Variants in WDFY4 observed in about 807,000 individuals in gnomAD.
The protein encoded by WDFY4 is WD repeat- and FYVE domain-containing protein 4.
In WDFY4, 169 loss-of-function variants were observed where a neutral mutation model predicts 351.9. The ratio of observed to expected loss-of-function variants is 0.48; its 90% confidence interval spans 0.42 to 0.55. WDFY4 has a LOEUF of 0.55. WDFY4 is among the 20% of genes least tolerant of loss of function. WDFY4 has a pLI of 0.00. For missense variants in WDFY4, 3,803 were observed against 3,935.6 expected (o/e 0.97, Z 0.90); for synonymous variants, 1,622 against 1,574.6 (o/e 1.03, Z -0.71).
intron 13 of WDFY4, among the ~76,000 whole-genome samples, chr10:48,773,812 G>A (rs764093021): frequency 1.3e-5 from 2 of 152,234 alleles, no homozygotes; most frequent in Non-Finnish European, 2.9e-5. Flanking sequence ...GGTGGGGCCT[G>A]TATCTGTCAA....
intron 2 of WDFY4, 41 bp from the exon 3 acceptor site, chr10:48,719,970 T>A (rs2064026580): frequency 1.3e-6 from 2 of 1,529,324 alleles, no homozygotes; most frequent in African/African-American, 2.8e-5. Flanking sequence ...GCCCTGCTTG[T>A]GGCATTGCTA....
At chr10:48,907,212 A>G (rs888035549) in intron 47 of WDFY4, among the ~76,000 whole-genome samples, 4 of 152,212 alleles carry the variant, frequency 2.6e-5, no homozygotes, top group East Asian at 1.9e-4. Context: ...CTGAGCCCAG[A>G]TTTCAGAAAA....
chr10:48,910,193 T>C, intron 47 of WDFY4: 2 of 1,302,240 alleles, frequency 1.5e-6, no homozygotes, highest in Non-Finnish European at 1.1e-6. Context: ...CAGAGTCGTT[T>C]ATTCTGTTAG....
At position 48,810,615 on chromosome 10, in the gene WDFY4, C is replaced by T. The variant is rs1055065649; in HGVS notation, c.4924C>T (p.Leu1642=). The part of the protein sequence containing the change: ...QGHLHASTTV[L]ALKLLLYFLA... The stretch of plus-strand genomic sequence containing the variant: ...CCACCTGCATGCCAGCACCACTGTG[C>T]TGGCATTGAAGCTGCTGCTGTACTT... The change falls in exon 29 of 62, where the codon CTG becomes TTG. Residue 1642 remains leucine (L), a synonymous_variant. Coordinates refer to ENST00000325239, the MANE Select transcript of WDFY4 (RefSeq NM_001394531.1). The T allele has an allele frequency of 1.9e-6, 3 of 1,551,516 alleles. No homozygotes were observed. The highest frequency in any genetic ancestry group is 1.4e-5 in the African/African-American group (1 of 73,058).
chr10:48,914,468 A>G (rs1179764128), intron 47 of WDFY4, among the ~76,000 whole-genome samples: 1 of 152,144 alleles, frequency 6.6e-6, no homozygotes, highest in African/African-American at 2.4e-5. Flanking sequence ...GAAGGACACT[A>G]AATGTCCCTC....
At chr10:48,749,209 T>A (rs1026043450) in intron 12 of WDFY4, among the ~76,000 whole-genome samples, 1 of 152,180 alleles carries the variant, frequency 6.6e-6, no homozygotes, top group Non-Finnish European at 1.5e-5. Context: ...AGAGGTGACA[T>A]GTTATGTAAT....
At chr10:48,797,369 A>T (rs140682367) in intron 24 of WDFY4, among the ~76,000 whole-genome samples, 2 of 152,194 alleles carry the variant, frequency 1.3e-5, no homozygotes, top group Non-Finnish European at 2.9e-5. Flanking sequence ...TTCTTTGTTT[A>T]TTAAGAAATT....
chr10:48,828,511 G>T (rs2133045903), intron 36 of WDFY4, among the ~76,000 whole-genome samples: 1 of 152,262 alleles, frequency 6.6e-6, no homozygotes, highest in African/African-American at 2.4e-5. Context: ...TCAGGAGTGG[G>T]CACAGGGGGA....
At position 48,974,984 on chromosome 10, in the gene WDFY4, G is replaced by GACCC; in HGVS notation, c.9052_9055dup (p.Arg3019HisfsTer17). On this transcript the variant is annotated frameshift_variant, in exon 58 of 62. Transcript: ENST00000325239. LOFTEE classifies it high-confidence loss of function. ...GGGATCTGGACCACCTCACCCACGT[G>GACCC]ACCCGCCTGCCCGCCCATCGGGAAG... 1 of 1,551,586 alleles carries GACCC rather than the reference G, an allele frequency of 6.4e-7. No individual in the cohort carries two copies. Among genetic ancestry groups the GACCC allele is most frequent in the Non-Finnish European group, 8.7e-7 (1 of 1,146,988 alleles).
At chr10:48,700,679 G>T (rs1189759098) in intron 1 of WDFY4, among the ~76,000 whole-genome samples, 1 of 152,250 alleles carries the variant, frequency 6.6e-6, no homozygotes, top group Non-Finnish European at 1.5e-5. Flanking sequence ...CCACCTGGGG[G>T]TGGGAGTGTG....
intron 39 of WDFY4, among the ~76,000 whole-genome samples, chr10:48,837,549 A>G (rs1293066498): frequency 6.6e-6 from 1 of 152,174 alleles, no homozygotes; most frequent in Non-Finnish European, 1.5e-5. Flanking sequence ...AGTAGTGAAC[A>G]GCGATAACAC....
intron 40 of WDFY4, among the ~76,000 whole-genome samples, chr10:48,872,921 T>A (rs41390646): frequency 0.06 from 9,122 of 152,248 alleles, 938 homozygotes; most frequent in African/African-American, 0.21. Context: ...CCCTTAGACA[T>A]CATTCAGGCC....
At chr10:48,893,623 G>A (rs750004412) in intron 44 of WDFY4, among the ~76,000 whole-genome samples, 6 of 152,234 alleles carry the variant, frequency 3.9e-5, no homozygotes, top group South Asian at 2.1e-4. Flanking sequence ...GATGGAAAGA[G>A]TGAATTAGAT....
At chr10:48,911,110 C>T (rs758918558) in intron 47 of WDFY4, among the ~76,000 whole-genome samples, 2 of 152,160 alleles carry the variant, frequency 1.3e-5, no homozygotes, top group Non-Finnish European at 2.9e-5. Flanking sequence ...CAGATTGGCT[C>T]CCTTATGGAT....
intron 46 of WDFY4, among the ~76,000 whole-genome samples, chr10:48,901,475 A>T (rs1212399968): frequency 6.6e-6 from 1 of 152,254 alleles, no homozygotes; most frequent in Non-Finnish European, 1.5e-5. Flanking sequence ...TCCTCACAGC[A>T]ACGCACTGGA....
intron 47 of WDFY4, among the ~76,000 whole-genome samples, chr10:48,914,601 C>T (rs937339459): frequency 5.3e-5 from 8 of 152,132 alleles, no homozygotes; most frequent in South Asian, 4.1e-4. Context: ...CTGCATTAAG[C>T]TAGGATTTCC....
chr10:48,729,637 C>A, intron 8 of WDFY4, 48 bp downstream of exon 8: 2 of 1,543,084 alleles, frequency 1.3e-6, no homozygotes, highest in Admixed American at 2.0e-5. Context: ...GTGCTGAGCC[C>A]TGAGAAGGCT....
chr10:48,849,543 G>A (rs150196489), intron 39 of WDFY4, among the ~76,000 whole-genome samples: 29 of 152,310 alleles, frequency 1.9e-4, no homozygotes, highest in African/African-American at 5.5e-4. Context: ...GTGGAATGGC[G>A]TCTCCCTCAG....
intron 39 of WDFY4, among the ~76,000 whole-genome samples, chr10:48,849,793 A>G (rs2133167411): frequency 6.6e-6 from 1 of 152,278 alleles, no homozygotes; most frequent in South Asian, 2.1e-4. Flanking sequence ...TAAACATCAG[A>G]CTTTATTTTA....
Sources: gnomAD v4.1 joint callset for allele counts (sites outside exome capture counted in the v4.1 genomes callset) on GRCh38, gnomAD v4.1.1 for gene constraint, MANE v1.5 for transcripts, NCBI Gene and HGNC (gene_info 2026-07-23, HGNC 2026-07-21) for gene names.